The following TENM2 variants were observed in gnomAD, a reference collection of about 807,000 sequenced individuals.
The protein encoded by TENM2 is teneurin-2.
TENM2 carries 52 observed loss-of-function variants against 245.2 expected under a neutral mutation model. That is an observed-to-expected ratio of 0.21 (90% CI 0.17 to 0.27). TENM2 has a LOEUF of 0.27. Among genes scored for constraint, TENM2 ranks in the 10% least tolerant of loss-of-function variants. TENM2 has a pLI of 1.00. For synonymous variants in TENM2, 1,363 were observed against 1,438.9 expected (o/e 0.95, Z 1.19); for missense variants, 3,046 against 3,666.8 (o/e 0.83, Z 4.37).
the TENM2 span, among the ~76,000 whole-genome samples, chr5:167,041,908 T>C: frequency 2.6e-5 from 4 of 152,124 alleles, no homozygotes; most frequent in Non-Finnish European, 4.4e-5. Flanking sequence ...ATTCCCCTTA[T>C]GTGTGTGTGA....
intron 28 of TENM2, among the ~76,000 whole-genome samples, chr5:168,261,511 T>C (rs936482046): frequency 6.6e-6 from 1 of 152,258 alleles, no homozygotes; most frequent in Non-Finnish European, 1.5e-5. Flanking sequence ...GTGATTCCTC[T>C]GCTGCTGGCT....
intron 1 of TENM2, among the ~76,000 whole-genome samples, chr5:167,309,299 C>T (rs1755876678): frequency 6.6e-6 from 1 of 152,150 alleles, no homozygotes; most frequent in Admixed American, 6.5e-5. Context: ...TTACAATTCT[C>T]TACTTTACTA....
At chr5:167,261,721 C>T in the TENM2 span, among the ~76,000 whole-genome samples, 1 of 152,182 alleles carries the variant, frequency 6.6e-6, no homozygotes, top group South Asian at 2.1e-4. Context: ...GATTAACCTT[C>T]CCCCACAGGG....
intron 25 of TENM2, among the ~76,000 whole-genome samples, chr5:168,236,426 T>C (rs1765427615): frequency 6.6e-6 from 1 of 152,158 alleles, no homozygotes; most frequent in South Asian, 2.1e-4. Flanking sequence ...GCTCATCCCC[T>C]GTGCTTTCAT....
the TENM2 span, among the ~76,000 whole-genome samples, chr5:167,045,382 G>A: frequency 6.6e-6 from 1 of 152,108 alleles, no homozygotes; most frequent in Non-Finnish European, 1.5e-5. Flanking sequence ...TTAGTACCTA[G>A]TACATTCTAA....
At chr5:168,248,492 G>T in intron 27 of TENM2, 121 bp downstream of exon 29, 1 of 997,776 alleles carries the variant, frequency 1.0e-6, no homozygotes, top group Admixed American at 2.6e-5. Context: ...ATAAAGCCCA[G>T]GCAGTGCAGT....
chr5:167,246,216 G>C, the TENM2 span, among the ~76,000 whole-genome samples: 1 of 152,014 alleles, frequency 6.6e-6, no homozygotes. Context: ...AATTAGTTTA[G>C]AACTAAGAAG....
intron 3 of TENM2, among the ~76,000 whole-genome samples, chr5:167,923,267 T>C (rs42412): frequency 0.46 from 68,882 of 151,206 alleles, 17,563 homozygotes; most frequent in African/African-American, 0.7. Context: ...TGCAGTGAGC[T>C]GAGATCGCAC....
chr5:168,188,924 C>A (rs1341026170), intron 13 of TENM2, among the ~76,000 whole-genome samples: 1 of 152,102 alleles, frequency 6.6e-6, no homozygotes, highest in African/African-American at 2.4e-5. Flanking sequence ...GCTGCTACAA[C>A]AAAAATACCA....
intron 3 of TENM2, among the ~76,000 whole-genome samples, chr5:167,883,933 C>G (rs1774080392): frequency 6.6e-6 from 1 of 152,156 alleles, no homozygotes; most frequent in African/African-American, 2.4e-5. Flanking sequence ...ATAGCCCCAG[C>G]CCTGGGTACA....
intron 5 of TENM2, among the ~76,000 whole-genome samples, chr5:168,036,653 T>A (rs1787701432): frequency 7.5e-6 from 1 of 133,876 alleles, no homozygotes; most frequent in East Asian, 2.0e-4. Flanking sequence ...AATATATATA[T>A]ATATATATAT....
intron 5 of TENM2, among the ~76,000 whole-genome samples, chr5:168,004,980 G>A (rs1010467502): frequency 6.6e-6 from 1 of 152,030 alleles, no homozygotes; most frequent in African/African-American, 2.4e-5. Context: ...CGCTTCTTTG[G>A]GTGGAAGGTT....
At chr5:167,613,596 G>A (rs1777607044) in intron 2 of TENM2, among the ~76,000 whole-genome samples, 1 of 152,018 alleles carries the variant, frequency 6.6e-6, no homozygotes, top group African/African-American at 2.4e-5. Flanking sequence ...ATGACACTAG[G>A]AACCAGCCCA....
chr5:167,778,573 G>A (rs1451290818), intron 2 of TENM2, among the ~76,000 whole-genome samples: 1 of 152,100 alleles, frequency 6.6e-6, no homozygotes, highest in Non-Finnish European at 1.5e-5. Flanking sequence ...ATAGAAAATT[G>A]AATTTCATAT....
chr5:167,244,692 C>T, the TENM2 span, among the ~76,000 whole-genome samples: 4 of 152,206 alleles, frequency 2.6e-5, no homozygotes, highest in Non-Finnish European at 5.9e-5. Context: ...ACGTTAGTCA[C>T]TGTACCTCCG....
At chr5:168,200,002 C>T (rs1165781763) in exon 17 of TENM2, 4 of 1,613,972 alleles carry the variant, frequency 2.5e-6, no homozygotes, top group Non-Finnish European at 3.4e-6. Context: ...TAGGGTTCAC[C>T]TGATGGTGGC....
intron 2 of TENM2, among the ~76,000 whole-genome samples, chr5:167,490,527 T>A (rs941325919): frequency 6.6e-6 from 1 of 152,086 alleles, no homozygotes; most frequent in African/African-American, 2.4e-5. Context: ...TATTGTATAA[T>A]GCATTTTTGA....
the TENM2 span, among the ~76,000 whole-genome samples, chr5:167,258,203 A>ATATATATATT: frequency 7.0e-6 from 1 of 141,910 alleles, no homozygotes; most frequent in African/African-American, 2.7e-5. Flanking sequence ...GTTGCCATAT[A>ATATATATATT]TATATATATA....
intron 9 of TENM2, among the ~76,000 whole-genome samples, chr5:168,110,567 GC>G (rs1313478156): frequency 2.0e-5 from 3 of 152,160 alleles, no homozygotes; most frequent in Non-Finnish European, 2.9e-5. Flanking sequence ...GAACCATTCT[GC>G]CTGCTGAGAG....
Sources: allele counts gnomAD v4.1 joint callset (sites outside exome capture counted in the v4.1 genomes callset), GRCh38; gene constraint gnomAD v4.1.1; transcripts MANE v1.5; gene names NCBI Gene and HGNC (gene_info 2026-07-23, HGNC 2026-07-21).